Variants in DHX9 observed in about 807,000 individuals in gnomAD.
The protein encoded by DHX9 is DExH-box helicase 9, also known as ATP-dependent RNA helicase A.
DHX9 carries 27 observed loss-of-function variants against 148.7 expected under a neutral mutation model. The observed-to-expected ratio is 0.18, with a 90% confidence interval of 0.13 to 0.25. The LOEUF (loss-of-function observed/expected upper bound fraction) is 0.25, where lower values mean the gene tolerates loss of function less well. Among genes scored for constraint, DHX9 ranks in the 10% least tolerant of loss-of-function variants. The probability of loss-of-function intolerance (pLI) is 1.00; values close to 1 mark genes in which losing one functional copy is unlikely to be tolerated. For synonymous variants in DHX9, 529 were observed against 516.6 expected (o/e 1.02, Z -0.33); for missense variants, 796 against 1,559.6 (o/e 0.51, Z 8.25).
chr1:182,844,536 T>G (rs192067789), intron 3 of DHX9, among the ~76,000 whole-genome samples: 14 of 152,238 alleles, frequency 9.2e-5, no homozygotes, highest in East Asian at 3.9e-4. Flanking sequence ...ATAAGGTTTT[T>G]TTTGTTTGTT....
At chr1:182,886,981 C>G (rs1649358959) in intron 27 of DHX9, 102 bp from the exon 28 acceptor site, 9 of 1,089,228 alleles carry the variant, frequency 8.3e-6, no homozygotes, top group Non-Finnish European at 1.2e-5. Flanking sequence ...GGCTTCATTC[C>G]CTTTATTAAA....
intron 21 of DHX9, 59 bp from the exon 22 acceptor site, chr1:182,880,438 T>A (rs1649036111): frequency 8.6e-7 from 1 of 1,162,258 alleles, no homozygotes; most frequent in African/African-American, 1.5e-5. Context: ...GAGTAATGTT[T>A]TGTCTGCCTA....
At chr1:182,851,210 A>G (rs891260564) in intron 3 of DHX9, among the ~76,000 whole-genome samples, 2 of 152,218 alleles carry the variant, frequency 1.3e-5, no homozygotes, top group African/African-American at 4.8e-5. Context: ...TTCACAATGT[A>G]CTAATAACAC....
chr1:182,841,486 A>G (rs1667929174), intron 1 of DHX9, among the ~76,000 whole-genome samples: 1 of 152,216 alleles, frequency 6.6e-6, no homozygotes, highest in Non-Finnish European at 1.5e-5. Context: ...GAATTTCCAG[A>G]TAAACATTTT....
At chr1:182,883,482 T>C in intron 25 of DHX9, 38 bp from the exon 26 acceptor site, 1 of 1,594,010 alleles carries the variant, frequency 6.3e-7, no homozygotes, top group Non-Finnish European at 8.6e-7. Context: ...GAAGTTGGAA[T>C]GTCAACCATT....
In DHX9 at chr1:182,842,545, A is replaced by C. The variant is rs1489873302; in HGVS notation, c.-22A>C. The C allele has an allele frequency of 1.3e-6, 2 of 1,578,026 alleles. No homozygotes were observed. The highest frequency in any genetic ancestry group is 1.4e-5 in the African/African-American group (1 of 73,778). On this transcript the variant is annotated splice_region_variant and 5_prime_UTR_variant, in exon 2 of 28. Coordinates refer to ENST00000367549, the MANE Select transcript of DHX9 (RefSeq NM_001357.5). ...TTTTAACTGACTTTTGTTTTCTTAG[A>C]TCTGAAGAAGACACTTGAATCATGG...
At chr1:182,856,224 T>TAC (rs1222312837) in intron 6 of DHX9, among the ~76,000 whole-genome samples, 1 of 152,246 alleles carries the variant, frequency 6.6e-6, no homozygotes, top group Non-Finnish European at 1.5e-5. Context: ...TTTCATTGAA[T>TAC]GTGTTCTAGC....
intron 3 of DHX9, among the ~76,000 whole-genome samples, chr1:182,847,432 T>C (rs1365606751): frequency 6.6e-6 from 1 of 152,242 alleles, no homozygotes; most frequent in Non-Finnish European, 1.5e-5. Context: ...CTGCAAATGC[T>C]GTCTTTTGGA....
intron 6 of DHX9, 21 bp downstream of exon 6, chr1:182,854,199 T>C: frequency 6.3e-7 from 1 of 1,575,898 alleles, no homozygotes; most frequent in Non-Finnish European, 8.6e-7. Flanking sequence ...TTCATTCTTT[T>C]CCTTCTGTAG....
chr1:182,859,234 GTACCAAACTGCTAATCCTAGT>G, intron 11 of DHX9, 117 bp downstream of exon 11: 1 of 798,712 alleles, frequency 1.3e-6, no homozygotes, highest in South Asian at 1.7e-5. Context: ...CAAAAGATAT[GTACCAAACTGCTAATCCTAGT>G]TACCCCTGAA....
chr1:182,847,008 AGT>A (rs1668044124), intron 3 of DHX9, among the ~76,000 whole-genome samples: 1 of 151,754 alleles, frequency 6.6e-6, no homozygotes, highest in African/African-American at 2.4e-5. Flanking sequence ...AAGCCCACCC[AGT>A]GTATTTCAGA....
In DHX9 at chr1:182,878,192, C is replaced by A. The variant is rs1648908159; in HGVS notation, c.2351+19C>A. 1.2e-6 allele frequency: 2 copies of A among 1,613,118 alleles called. No individual in the cohort carries two copies. The highest frequency in any genetic ancestry group is 1.7e-6 in the Non-Finnish European group (2 of 1,179,586). On this transcript the variant is annotated intron_variant, in intron 20 of 27. Coordinates refer to ENST00000367549, the MANE Select transcript of DHX9 (RefSeq NM_001357.5). ...TTGAGAGGTAAGACCCATTCTTGAC[C>A]TTTAGTAAGGGATTTTTGTTCTGTT...
chr1:182,878,197 G>A, intron 20 of DHX9, 24 bp downstream of exon 20: 2 of 1,613,148 alleles, frequency 1.2e-6, no homozygotes, highest in Non-Finnish European at 1.7e-6. Flanking sequence ...TTGACCTTTA[G>A]TAAGGGATTT....
In DHX9 at chr1:182,877,980, A is replaced by C. The variant is rs948821884; in HGVS notation, c.2199-41A>C. 4 of 1,610,038 alleles carry C rather than the reference A, an allele frequency of 2.5e-6. No individual in the cohort carries two copies. The African/African-American group carries it at 5.3e-5, about 22-fold the overall frequency. On this transcript the variant is annotated intron_variant, in intron 19 of 27. Transcript: ENST00000367549. ...AGTGGATATATAATAGTTATTGATA[A>C]TACACATGAGTCTTAGAATTAACCA... is the stretch of plus-strand genomic sequence containing the variant.
chr1:182,884,945 TAGAG>T (rs1265733310), intron 27 of DHX9, 132 bp downstream of exon 27: 13 of 773,110 alleles, frequency 1.7e-5, no homozygotes, highest in African/African-American at 5.3e-5. Context: ...GCTATATAGA[TAGAG>T]AGTTTGATGT....
At chr1:182,870,516 A>G (rs1356730337) in intron 14 of DHX9, among the ~76,000 whole-genome samples, 1 of 152,246 alleles carries the variant, frequency 6.6e-6, no homozygotes, top group African/African-American at 2.4e-5. Flanking sequence ...CAACATTGTT[A>G]GGAGACGGTG....
intron 24 of DHX9, among the ~76,000 whole-genome samples, 171 bp from the exon 25 acceptor site, chr1:182,882,968 T>C (rs1173673038): frequency 6.6e-6 from 1 of 150,480 alleles, no homozygotes; most frequent in Non-Finnish European, 1.5e-5. Flanking sequence ...GTAACATTAC[T>C]CCTTGAACTT....
intron 4 of DHX9, among the ~76,000 whole-genome samples, chr1:182,853,088 G>A (rs922731723): frequency 1.1e-4 from 16 of 151,734 alleles, no homozygotes; most frequent in Non-Finnish European, 1.9e-4. Context: ...CACCATGCCC[G>A]GCTAATTTTT....
intron 20 of DHX9, 38 bp downstream of exon 20, chr1:182,878,211 T>C: frequency 6.2e-7 from 1 of 1,610,982 alleles, no homozygotes; most frequent in Non-Finnish European, 8.5e-7. Context: ...GGGATTTTTG[T>C]TCTGTTCTCT....
Sources: gnomAD v4.1 joint callset for allele counts (sites outside exome capture counted in the v4.1 genomes callset) on GRCh38, gnomAD v4.1.1 for gene constraint, MANE v1.5 for transcripts, NCBI Gene and HGNC (gene_info 2026-07-23, HGNC 2026-07-21) for gene names.